Variants in SORL1 observed in about 807,000 individuals in gnomAD.
SORL1 encodes sortilin related receptor 1, also known as sortilin-related receptor.
A neutral mutation model predicts 273.7 loss-of-function variants in SORL1; 127 were observed. The ratio of observed to expected loss-of-function variants is 0.46; its 90% CI spans 0.40 to 0.54. The LOEUF is 0.54. SORL1 is among the 20% of genes least tolerant of loss of function. SORL1 has a pLI of 0.00. For missense variants in SORL1, 2,494 were observed against 2,846.1 expected (o/e 0.88, Z 2.81); for synonymous variants, 1,031 against 1,067.4 (o/e 0.97, Z 0.66).
intron 14 of SORL1, 81 bp downstream of exon 14, chr11:121,545,510 C>A: frequency 7.5e-7 from 1 of 1,328,134 alleles, no homozygotes; most frequent in Non-Finnish European, 1.1e-6. Context: ...AGGCATGGTC[C>A]CTTTCCCTGA....
At chr11:121,535,932 C>T (rs1862260652) in intron 12 of SORL1, among the ~76,000 whole-genome samples, 1 of 152,210 alleles carries the variant, frequency 6.6e-6, no homozygotes, top group Non-Finnish European at 1.5e-5. Context: ...CCCGCTGCTC[C>T]TGTGAACCTG....
At chr11:121,557,474 C>A in intron 19 of SORL1, 69 bp downstream of exon 19, 2 of 1,181,488 alleles carry the variant, frequency 1.7e-6, no homozygotes, top group Non-Finnish European at 2.5e-6. Flanking sequence ...CATGGAAACA[C>A]AGACTGCGGG....
At chr11:121,569,412 A>G (rs1862802889) in intron 22 of SORL1, among the ~76,000 whole-genome samples, 1 of 152,240 alleles carries the variant, frequency 6.6e-6, no homozygotes, top group Non-Finnish European at 1.5e-5. Context: ...CTCTTCTTTC[A>G]AAAGGAAATG....
At chr11:121,481,432 T>A (rs1591557032) in intron 3 of SORL1, among the ~76,000 whole-genome samples, 1 of 121,778 alleles carries the variant, frequency 8.2e-6, no homozygotes, top group East Asian at 2.3e-4. Context: ...CCTCTCCTAG[T>A]GCACAGATAC....
At chr11:121,545,142 TAGAC>T in intron 13 of SORL1, 97 bp from the exon 14 acceptor site, 1 of 1,069,466 alleles carries the variant, frequency 9.4e-7, no homozygotes, top group East Asian at 2.5e-5. Context: ...TGGCAACAGA[TAGAC>T]AGGAAGTGGG....
chr11:121,557,339 G>T lies in SORL1; in HGVS notation c.2597G>T (p.Arg866Leu), dbSNP rs780630838. ...GTAGCTAATCCAGATGGCGACTTCC[G>T]ACTCACAATCGTCAATTCCTCTGTG... is the stretch of plus-strand genomic sequence containing the variant. ...IEVANPDGDF[R>L]LTIVNSSVLD... The change falls in exon 19 of 48, where the codon CGA becomes CTA. Residue 866 changes from arginine to leucine, a missense_variant. This residue lies in a region of SORL1 where 1,609 missense variants were observed against 1,816.4 expected (regional missense o/e 0.89). Transcript: ENST00000260197. The T allele has an allele frequency of 6.2e-7, 1 of 1,614,080 alleles. No individual in the cohort carries two copies. Among genetic ancestry groups the T allele is most frequent in the Admixed American group, 1.7e-5 (1 of 60,022 alleles).
At chr11:121,605,916 T>C (rs1863465309) in intron 35 of SORL1, among the ~76,000 whole-genome samples, 1 of 152,204 alleles carries the variant, frequency 6.6e-6, no homozygotes, top group Non-Finnish European at 1.5e-5. Context: ...TCAGCAATTT[T>C]GTGGCTAAGT....
At position 121,541,309 on chromosome 11, in the gene SORL1, C is replaced by G. The variant is rs575085204; in HGVS notation, c.1686-2239C>G. ...CTCACACTCTTGGACTCAAGCAATC[C>G]TCACACCTCAGCCTCCAGAGAAGTA... On this transcript the variant is annotated intron_variant, in intron 12 of 47. Coordinates refer to ENST00000260197, the MANE Select transcript of SORL1 (RefSeq NM_003105.6). Among the ~76,000 whole-genome samples, 4 of 152,112 alleles carry G rather than the reference C, an allele frequency of 2.6e-5. No individual in the cohort carries two copies. The South Asian group carries it at 8.3e-4, about 32-fold the overall frequency.
intron 13 of SORL1, among the ~76,000 whole-genome samples, chr11:121,544,917 C>G (rs1413160869): frequency 6.6e-6 from 1 of 152,206 alleles, no homozygotes; most frequent in Non-Finnish European, 1.5e-5. Flanking sequence ...CAGCTGTTCC[C>G]TAGTTCTCTA....
At chr11:121,498,223 A>G (rs1861659021) in intron 6 of SORL1, among the ~76,000 whole-genome samples, 1 of 152,202 alleles carries the variant, frequency 6.6e-6, no homozygotes, top group African/African-American at 2.4e-5. Context: ...ATGCACAAAT[A>G]TGTACAGCAG....
At chr11:121,557,225 G>A (rs1446615824) in intron 18 of SORL1, 89 bp from the exon 19 acceptor site, 2 of 945,014 alleles carry the variant, frequency 2.1e-6, no homozygotes, top group African/African-American at 3.2e-5. Flanking sequence ...GGGCATGTCT[G>A]TAGCAGAAGC....
intron 23 of SORL1, among the ~76,000 whole-genome samples, chr11:121,573,171 A>C (rs1862873018): frequency 6.6e-6 from 1 of 152,262 alleles, no homozygotes; most frequent in Non-Finnish European, 1.5e-5. Flanking sequence ...ATGATGAGGA[A>C]GAGAAGTGAC....
At chr11:121,459,789 G>T (rs1186542645) in intron 1 of SORL1, among the ~76,000 whole-genome samples, 1 of 152,226 alleles carries the variant, frequency 6.6e-6, no homozygotes, top group Non-Finnish European at 1.5e-5. Context: ...GACTTACCTT[G>T]ATGTAGCTGG....
chr11:121,550,561 C>G lies in SORL1; in HGVS notation c.2181-24C>G. 1 of 1,611,640 alleles carries G rather than the reference C, an allele frequency of 6.2e-7. No individual in the cohort carries two copies. Among genetic ancestry groups the G allele is most frequent in the Middle Eastern group, 1.7e-4 (1 of 6,058 alleles). On this transcript the variant is annotated intron_variant, in intron 15 of 47. Transcript: ENST00000260197. The surrounding 1 kb of genome is among the most constrained non-coding windows in gnomAD (Gnocchi z 5.3). ...GGCTATTCTTCCATGTTTCTGACCT[C>G]TTGCTCTTGGGGTGGGGTGACAGCT...
At chr11:121,572,679 C>T (rs182497968) in intron 23 of SORL1, among the ~76,000 whole-genome samples, 17 of 152,202 alleles carry the variant, frequency 1.1e-4, no homozygotes, top group Non-Finnish European at 1.6e-4. Context: ...AGTGAGGCAC[C>T]CTGCCAGCTG....
chr11:121,605,669 G>T, intron 35 of SORL1, 98 bp downstream of exon 35: 1 of 954,418 alleles, frequency 1.0e-6, no homozygotes, highest in Non-Finnish European at 1.6e-6. Flanking sequence ...GAACATATGT[G>T]TGCCTCACAT....
chr11:121,586,568 G>A (rs532564422), intron 27 of SORL1, among the ~76,000 whole-genome samples: 5 of 152,084 alleles, frequency 3.3e-5, no homozygotes, highest in East Asian at 3.9e-4. Flanking sequence ...GGATTAGATC[G>A]AACTTCAGTG....
At chr11:121,549,457 G>A (rs1862476525) in intron 14 of SORL1, among the ~76,000 whole-genome samples, 1 of 152,064 alleles carries the variant, frequency 6.6e-6, no homozygotes, top group Non-Finnish European at 1.5e-5. Context: ...GAGCTCCTGG[G>A]CTTAAACAAT....
At chr11:121,585,406 A>G (rs1166076122) in intron 26 of SORL1, among the ~76,000 whole-genome samples, 7 of 150,390 alleles carry the variant, frequency 4.7e-5, no homozygotes, top group Non-Finnish European at 7.4e-5. Context: ...TTGCTTGAGC[A>G]CGGGAGGTGG....
Sources: gnomAD v4.1 joint callset for allele counts (sites outside exome capture counted in the v4.1 genomes callset) on GRCh38, gnomAD v4.1.1 for gene constraint, gnomAD v4.1.1 regional missense constraint, Gnocchi (gnomAD v3.1) non-coding constraint, MANE v1.5 for transcripts, NCBI Gene and HGNC (gene_info 2026-07-23, HGNC 2026-07-21) for gene names.